Variants in TCF12 observed in about 807,000 individuals in gnomAD.
The protein encoded by TCF12 is transcription factor 12, also known as DNA-binding protein HTF4.
TCF12 carries 45 observed loss-of-function variants against 86.0 expected under a neutral mutation model. That is an observed-to-expected ratio of 0.52 (90% CI 0.41 to 0.67). The LOEUF (loss-of-function observed/expected upper bound fraction) is 0.67, where lower values mean the gene tolerates loss of function less well. Among genes scored for constraint, TCF12 ranks in the 30% least tolerant of loss-of-function variants. The pLI is 0.00. For synonymous variants in TCF12, 330 were observed against 299.6 expected (o/e 1.10, Z -1.05); for missense variants, 881 against 859.9 (o/e 1.02, Z -0.31).
intron 3 of TCF12, among the ~76,000 whole-genome samples, chr15:57,018,412 G>A (rs2065276036): frequency 6.6e-6 from 1 of 152,222 alleles, no homozygotes; most frequent in Non-Finnish European, 1.5e-5. Flanking sequence ...GAAGTAGGAT[G>A]TAATTGCTGT....
chr15:57,151,214 C>G (rs1041652442), intron 5 of TCF12, among the ~76,000 whole-genome samples: 1 of 149,700 alleles, frequency 6.7e-6, no homozygotes, highest in Non-Finnish European at 1.5e-5. Flanking sequence ...CTCCCAGCCT[C>G]AAGCCATTCT....
chr15:56,998,302 C>G (rs1282033161), intron 3 of TCF12, among the ~76,000 whole-genome samples: 4 of 151,846 alleles, frequency 2.6e-5, no homozygotes, highest in African/African-American at 9.7e-5. Flanking sequence ...ACTAAAAATA[C>G]AAAAATTAGT....
intron 6 of TCF12, among the ~76,000 whole-genome samples, chr15:57,174,320 T>G (rs1311616244): frequency 6.6e-6 from 1 of 152,230 alleles, no homozygotes; most frequent in Non-Finnish European, 1.5e-5. Context: ...AAAAACAATG[T>G]GATCATTTCC....
intron 5 of TCF12, among the ~76,000 whole-genome samples, chr15:57,133,890 C>T (rs1261383465): frequency 1.3e-5 from 2 of 152,114 alleles, no homozygotes; most frequent in Non-Finnish European, 2.9e-5. Context: ...CTAATTTGTG[C>T]AAGTTTAAAG....
intron 7 of TCF12, among the ~76,000 whole-genome samples, chr15:57,195,201 C>G (rs1418039665): frequency 6.6e-6 from 1 of 152,206 alleles, no homozygotes; most frequent in African/African-American, 2.4e-5. Context: ...CCGCACCCAG[C>G]CATCTCTTAG....
At chr15:57,223,643 G>GTTTTTTTTTTTTT (rs550493641) in intron 8 of TCF12, among the ~76,000 whole-genome samples, 3,994 of 69,464 alleles carry the variant, frequency 0.057, 915 homozygotes, top group Non-Finnish European at 0.086. Context: ...TACCAATGAG[G>GTTTTTTTTTTTTT]TTTTTTTTTT....
At chr15:56,942,568 G>T (rs1294559863) in intron 3 of TCF12, among the ~76,000 whole-genome samples, 1 of 152,176 alleles carries the variant, frequency 6.6e-6, no homozygotes, top group African/African-American at 2.4e-5. Context: ...TCAATGTAAA[G>T]ATAGTTCTTG....
At chr15:57,003,156 A>G (rs1036645978) in intron 3 of TCF12, among the ~76,000 whole-genome samples, 7 of 152,210 alleles carry the variant, frequency 4.6e-5, no homozygotes, top group Admixed American at 2.0e-4. Context: ...ATCTGGAGGT[A>G]ATGTAACATA....
At chr15:57,090,874 G>T (rs1405649001) in intron 4 of TCF12, among the ~76,000 whole-genome samples, 9 of 152,160 alleles carry the variant, frequency 5.9e-5, no homozygotes, top group African/African-American at 2.2e-4. Flanking sequence ...GAAACAATAT[G>T]ATTTTGGAGG....
chr15:57,076,177 T>C (rs1015053003), intron 4 of TCF12, among the ~76,000 whole-genome samples: 7 of 152,014 alleles, frequency 4.6e-5, no homozygotes, highest in African/African-American at 1.7e-4. Context: ...TTCTAATGTG[T>C]AAAACAAAAA....
chr15:56,920,893 T>C, intron 2 of TCF12, 133 bp from the exon 3 acceptor site: 1 of 593,786 alleles, frequency 1.7e-6, no homozygotes, highest in Non-Finnish European at 2.8e-6. Context: ...TCTCTGGATC[T>C]GAATGTATCT....
intron 12 of TCF12, 137 bp from the exon 13 acceptor site, chr15:57,243,333 CTA>C: frequency 1.6e-6 from 1 of 636,468 alleles, no homozygotes; most frequent in Non-Finnish European, 2.7e-6. Flanking sequence ...ATGAAACAGT[CTA>C]AAACTTGACA....
At chr15:57,267,718 T>C (rs1167954089) in intron 18 of TCF12, among the ~76,000 whole-genome samples, 2 of 152,180 alleles carry the variant, frequency 1.3e-5, no homozygotes, top group Non-Finnish European at 2.9e-5. Context: ...ATATTATAGG[T>C]CATCAGAAAT....
chr15:57,120,927 G>A (rs2051183738), intron 5 of TCF12, among the ~76,000 whole-genome samples: 1 of 152,100 alleles, frequency 6.6e-6, no homozygotes, highest in Non-Finnish European at 1.5e-5. Context: ...GCTATAGTGA[G>A]CCATGATTGC....
intron 5 of TCF12, among the ~76,000 whole-genome samples, chr15:57,143,381 C>G (rs576626953): frequency 6.6e-6 from 1 of 152,226 alleles, no homozygotes; most frequent in South Asian, 2.1e-4. Flanking sequence ...AGCATCGTGT[C>G]TGCTGCTTAT....
chr15:57,191,531 C>A (rs2056979635), intron 6 of TCF12, among the ~76,000 whole-genome samples: 1 of 152,130 alleles, frequency 6.6e-6, no homozygotes, highest in African/African-American at 2.4e-5. Context: ...AGTATTAAAG[C>A]AAAGACTAGT....
intron 3 of TCF12, among the ~76,000 whole-genome samples, chr15:56,968,585 C>A (rs1468476640): frequency 1.3e-5 from 2 of 152,166 alleles, no homozygotes; most frequent in Non-Finnish European, 2.9e-5. Context: ...ATTTGAGAAA[C>A]ATGGCTATTT....
chr15:56,942,977 T>C (rs1182329505), intron 3 of TCF12, among the ~76,000 whole-genome samples: 1 of 152,116 alleles, frequency 6.6e-6, no homozygotes, highest in Non-Finnish European at 1.5e-5. Flanking sequence ...TTCTGAAAAA[T>C]TGCAAGAACA....
At chr15:57,250,087 T>G (rs549273102) in intron 13 of TCF12, among the ~76,000 whole-genome samples, 13 of 152,320 alleles carry the variant, frequency 8.5e-5, no homozygotes, top group Admixed American at 4.6e-4. Flanking sequence ...CATCAAAGGC[T>G]AAACAACATC....
Sources: allele counts gnomAD v4.1 joint callset (sites outside exome capture counted in the v4.1 genomes callset), GRCh38; gene constraint gnomAD v4.1.1; transcripts MANE v1.5; gene names NCBI Gene and HGNC (gene_info 2026-07-23, HGNC 2026-07-21).